Variants in LRFN5 observed in about 807,000 individuals in gnomAD.
LRFN5 encodes leucine rich repeat and fibronectin type III domain containing 5.
Under a neutral mutation model 45.6 loss-of-function variants are expected in LRFN5, and 24 were observed. The ratio of observed to expected loss-of-function variants is 0.53; its 90% confidence interval spans 0.38 to 0.74. The LOEUF is 0.74. Among genes scored for constraint, LRFN5 ranks in the 30% least tolerant of loss-of-function variants. The pLI, the probability that LRFN5 is intolerant of heterozygous loss-of-function variation, is 0.00. For synonymous variants in LRFN5, 340 were observed against 313.8 expected (o/e 1.08, Z -0.88); for missense variants, 776 against 861.5 (o/e 0.90, Z 1.24).
chr14:41,811,386 G>A (rs1305926189), intron 2 of LRFN5, among the ~76,000 whole-genome samples: 1 of 151,938 alleles, frequency 6.6e-6, no homozygotes, highest in African/African-American at 2.4e-5. Flanking sequence ...TTAAATATAT[G>A]ACTAGATATG....
intron 1 of LRFN5, among the ~76,000 whole-genome samples, chr14:41,701,955 A>G (rs1182115170): frequency 6.6e-6 from 1 of 152,144 alleles, no homozygotes; most frequent in East Asian, 1.9e-4. Context: ...ATCCTAAAGT[A>G]TGAGGAGCAC....
intron 2 of LRFN5, among the ~76,000 whole-genome samples, chr14:41,828,424 CT>C: frequency 6.6e-6 from 1 of 152,062 alleles, no homozygotes; most frequent in Admixed American, 6.5e-5. Context: ...AACTTCTACC[CT>C]AAAGCAAACA....
At chr14:41,728,563 T>A (rs1831582609) in intron 1 of LRFN5, among the ~76,000 whole-genome samples, 1 of 152,190 alleles carries the variant, frequency 6.6e-6, no homozygotes, top group Non-Finnish European at 1.5e-5. Flanking sequence ...TCTTTGTAAA[T>A]GTTTGTAAAT....
intron 1 of LRFN5, among the ~76,000 whole-genome samples, chr14:41,674,413 G>T (rs1225819297): frequency 1.5e-5 from 2 of 137,184 alleles, no homozygotes; most frequent in South Asian, 4.9e-4. Flanking sequence ...CGGGGCGGCT[G>T]GCCGGGCAGA....
At chr14:41,759,901 C>T (rs2138866166) in intron 1 of LRFN5, among the ~76,000 whole-genome samples, 1 of 152,280 alleles carries the variant, frequency 6.6e-6, no homozygotes, top group Non-Finnish European at 1.5e-5. Context: ...GTAAGTCCGC[C>T]CTAAGGCAGA....
intron 2 of LRFN5, among the ~76,000 whole-genome samples, chr14:41,841,306 A>G (rs1888850869): frequency 1.3e-5 from 2 of 151,970 alleles, no homozygotes; most frequent in Admixed American, 1.3e-4. Flanking sequence ...TACTTCATGT[A>G]AGAGAAAAGT....
intron 2 of LRFN5, among the ~76,000 whole-genome samples, chr14:41,808,925 G>A (rs1887644538): frequency 6.6e-6 from 1 of 151,984 alleles, no homozygotes; most frequent in African/African-American, 2.4e-5. Context: ...AGGTTTCTAG[G>A]CACTTTACTT....
At chr14:41,770,554 C>G (rs190322054) in intron 2 of LRFN5, among the ~76,000 whole-genome samples, 3 of 152,288 alleles carry the variant, frequency 2.0e-5, no homozygotes, top group African/African-American at 7.2e-5. Context: ...CCCTGTACAA[C>G]TCTGAAACCC....
At chr14:41,867,853 A>ATT in intron 2 of LRFN5, among the ~76,000 whole-genome samples, 1 of 151,610 alleles carries the variant, frequency 6.6e-6, no homozygotes, top group African/African-American at 2.4e-5. Context: ...AACTGGGAAT[A>ATT]TTTTTTTCAT....
At chr14:41,657,458 C>T (rs1050528954) in intron 1 of LRFN5, among the ~76,000 whole-genome samples, 1 of 151,826 alleles carries the variant, frequency 6.6e-6, no homozygotes, top group Non-Finnish European at 1.5e-5. Context: ...TCTGACCCAT[C>T]TCAGAAGGAC....
At chr14:41,777,139 C>T (rs1008138910) in intron 2 of LRFN5, among the ~76,000 whole-genome samples, 1 of 151,796 alleles carries the variant, frequency 6.6e-6, no homozygotes, top group African/African-American at 2.4e-5. Flanking sequence ...TAAATAGCTA[C>T]TTCCATTTCT....
At chr14:41,782,597 A>G (rs778311296) in intron 2 of LRFN5, among the ~76,000 whole-genome samples, 1 of 152,146 alleles carries the variant, frequency 6.6e-6, no homozygotes, top group Non-Finnish European at 1.5e-5. Context: ...ATTTTTTGTT[A>G]AACATCAGAC....
intron 2 of LRFN5, among the ~76,000 whole-genome samples, chr14:41,871,061 A>G (rs1890002969): frequency 6.6e-6 from 1 of 152,084 alleles, no homozygotes; most frequent in Non-Finnish European, 1.5e-5. Flanking sequence ...AGGCCTTGAT[A>G]TTCTCAGCTA....
intron 1 of LRFN5, among the ~76,000 whole-genome samples, chr14:41,675,572 T>C (rs1334862155): frequency 1.3e-5 from 2 of 151,626 alleles, no homozygotes; most frequent in Non-Finnish European, 2.9e-5. Context: ...AGCTTCGGTT[T>C]GGCATCAGAG....
chr14:41,814,198 C>T (rs1223268154), intron 2 of LRFN5, among the ~76,000 whole-genome samples: 2 of 152,102 alleles, frequency 1.3e-5, no homozygotes, highest in Admixed American at 1.3e-4. Context: ...GCTTTTGTTG[C>T]AATTGCTTTT....
chr14:41,640,183 T>C (rs1424917022), intron 1 of LRFN5, among the ~76,000 whole-genome samples: 1 of 151,914 alleles, frequency 6.6e-6, no homozygotes, highest in African/African-American at 2.4e-5. Flanking sequence ...TGGAAACATA[T>C]TTCATTGTCC....
chr14:41,775,997 T>C (rs1886280288), intron 2 of LRFN5, among the ~76,000 whole-genome samples: 1 of 152,206 alleles, frequency 6.6e-6, no homozygotes, highest in Admixed American at 6.5e-5. Flanking sequence ...TAGGTAGTTA[T>C]ATGCAAACAC....
At chr14:41,704,658 T>G (rs879168220) in intron 1 of LRFN5, among the ~76,000 whole-genome samples, 1 of 151,966 alleles carries the variant, frequency 6.6e-6, no homozygotes, top group Admixed American at 6.6e-5. Context: ...ATTTTTCCTA[T>G]CCACATGTCA....
intron 2 of LRFN5, among the ~76,000 whole-genome samples, chr14:41,875,284 A>G (rs1004802692): frequency 2.0e-5 from 3 of 152,248 alleles, no homozygotes; most frequent in African/African-American, 7.2e-5. Flanking sequence ...TTAGGGAACC[A>G]TTGCCACCTG....
Sources: allele counts gnomAD v4.1 joint callset (sites outside exome capture counted in the v4.1 genomes callset), GRCh38; gene constraint gnomAD v4.1.1; transcripts MANE v1.5; gene names NCBI Gene and HGNC (gene_info 2026-07-23, HGNC 2026-07-21).